The following BECN1 variants were observed in gnomAD, a reference collection of about 807,000 sequenced individuals.
The protein encoded by BECN1 is beclin 1, also known as beclin-1.
In BECN1, 15 loss-of-function variants were observed where a neutral mutation model predicts 60.1. The observed-to-expected ratio is 0.25, with a 90% CI of 0.17 to 0.38. The LOEUF (loss-of-function observed/expected upper bound fraction) is 0.38. Among genes scored for constraint, BECN1 ranks in the 10% least tolerant of loss-of-function variants. BECN1 has a pLI of 1.00. For missense variants in BECN1, 424 were observed against 548.2 expected (o/e 0.77, Z 2.26); for synonymous variants, 179 against 201.8 (o/e 0.89, Z 0.96).
intron 9 of BECN1, chr17:42,814,297 G>T: frequency 3.3e-6 from 2 of 608,736 alleles, no homozygotes; most frequent in Non-Finnish European, 5.6e-6. Flanking sequence ...AGGCTCTGGG[G>T]ACTGTAGGCT....
rs2055219195 is a variant in BECN1, at chr17:42,819,605, G to A, written c.203C>T (p.Pro68Leu). 6.2e-7 allele frequency: 1 copy of A among 1,613,322 alleles called. No homozygotes were observed. Among genetic ancestry groups the A allele is most frequent in the East Asian group, 2.2e-5 (1 of 44,892 alleles). ...QEEETNSGEE[P>L]FIETPRQDGV... ...ATCCTGGCGAGGAGTTTCAATAAAT[G>A]GCTCCTGGGAAAGAAATAAGAGGGC... The change falls in exon 4 of 12, where the codon CCA (proline) becomes CTA (leucine). Residue 68 changes from proline to leucine, a missense_variant. Transcript: ENST00000590099.
At chr17:42,814,779 T>C in intron 8 of BECN1, 106 bp from the exon 9 acceptor site, 1 of 1,395,024 alleles carries the variant, frequency 7.2e-7, no homozygotes, top group South Asian at 1.3e-5. Context: ...TTCAAGTCCA[T>C]ATATGCAAGC....
intron 10 of BECN1, 58 bp from the exon 11 acceptor site, chr17:42,811,855 T>G: frequency 6.3e-7 from 1 of 1,576,986 alleles, no homozygotes; most frequent in Non-Finnish European, 8.6e-7. Context: ...TTCCAGAGAT[T>G]GTTCCCAATC....
chr17:42,820,457 C>T (rs1362115711), intron 3 of BECN1: 4 of 282,038 alleles, frequency 1.4e-5, no homozygotes, highest in East Asian at 6.7e-5. Flanking sequence ...TGCTCTAGAA[C>T]GACCTGGACA....
intron 2 of BECN1, among the ~76,000 whole-genome samples, chr17:42,822,403 G>T (rs189694712): frequency 7.4e-4 from 113 of 152,282 alleles, no homozygotes; most frequent in Middle Eastern, 6.8e-3. Context: ...TTGGAGAAAT[G>T]AAGTAACTTG....
chr17:42,810,889 G>A lies in BECN1; in HGVS notation c.1224C>T (p.Gly408=). ...VEKGKIEDTG[G]SGGSYSIKTQ... Reference sequence around the variant, plus strand: ...TTTTGATGGAATAGGAGCCGCCACTGCCTCCTGTGTCTTCAATCTTGCCTT... The same window carrying A: ...TTTTGATGGAATAGGAGCCGCCACTACCTCCTGTGTCTTCAATCTTGCCTT... Residue 408 remains glycine, a synonymous_variant, in exon 12 of 12, where the codon GGC becomes GGT. Coordinates refer to ENST00000590099, the MANE Select transcript of BECN1 (RefSeq NM_001313998.2). The A allele has an allele frequency of 2.5e-6, 4 of 1,612,402 alleles. No homozygotes were observed. Among genetic ancestry groups the A allele is most frequent in the Non-Finnish European group, 3.4e-6 (4 of 1,179,282 alleles).
At chr17:42,820,433 C>T (rs1328868993) in intron 3 of BECN1, 4 of 235,462 alleles carry the variant, frequency 1.7e-5, no homozygotes, top group South Asian at 8.7e-5. Flanking sequence ...GCTAGAACAA[C>T]AGATGCAAAT....
chr17:42,818,835 C>A lies in BECN1; in HGVS notation c.303G>T (p.Gly101=), dbSNP rs750672204. The A allele has an allele frequency of 1.9e-6, 3 of 1,614,052 alleles. No individual in the cohort carries two copies. In the Admixed American group the frequency reaches 5.0e-5, roughly 27 times the overall value. The change falls in exon 5 of 12, where the codon GGG becomes GGT. Residue 101 remains glycine, a synonymous_variant. Transcript: ENST00000590099. ...TESANSFTLI[G]EASDGGTMEN... ...CCATGGTGCCGCCATCAGATGCCTC[C>A]CCAATCAGAGTGAAGCTGTTGGCAC...
intron 10 of BECN1, among the ~76,000 whole-genome samples, chr17:42,813,366 T>C (rs1319771735): frequency 1.3e-5 from 2 of 151,556 alleles, no homozygotes; most frequent in East Asian, 3.9e-4. Context: ...TAAAACCCCA[T>C]CTCTACTAAA....
At position 42,814,080 on chromosome 17, in the gene BECN1, A is replaced by G. The variant is rs544264296; in HGVS notation, c.981-72T>C. 1.1e-5 allele frequency: 12 copies of G among 1,079,606 alleles called. No homozygotes were observed. The East Asian group carries it at 1.5e-4, about 14-fold the overall frequency. The allele number at this position is 1,079,606 out of a possible 1,614,324, so 66.9% of individuals were successfully genotyped here. On this transcript the variant is annotated intron_variant, in intron 9 of 11. Transcript: ENST00000590099. Reference sequence around the variant, plus strand: ...GTGATTATTGGGAAGTTACAACCCAATGATTTCACTCTTCATTCTGGCCAA... The same window carrying G: ...GTGATTATTGGGAAGTTACAACCCAGTGATTTCACTCTTCATTCTGGCCAA...
chr17:42,814,832 A>G (rs543015036), intron 8 of BECN1, 159 bp from the exon 9 acceptor site: 4 of 913,234 alleles, frequency 4.4e-6, no homozygotes, highest in Non-Finnish European at 6.5e-6. Flanking sequence ...TTGAGTCATC[A>G]TCTTTTTCCC....
At chr17:42,817,731 A>C (rs537742063) in intron 7 of BECN1, among the ~76,000 whole-genome samples, 13 of 152,228 alleles carry the variant, frequency 8.5e-5, no homozygotes, top group South Asian at 8.3e-4. Flanking sequence ...TCATTTTTGT[A>C]GAGATGGGGT....
intron 4 of BECN1, 96 bp downstream of exon 4, chr17:42,819,452 G>T: frequency 1.5e-6 from 2 of 1,328,474 alleles, no homozygotes; most frequent in Non-Finnish European, 1.1e-6. Context: ...AGGTGATGAT[G>T]CATCTCTATC....
At chr17:42,812,586 G>T (rs888742974) in intron 10 of BECN1, 1 of 150,464 alleles carries the variant, frequency 6.6e-6, no homozygotes, top group Non-Finnish European at 1.5e-5. Flanking sequence ...TGTGGTGGGC[G>T]CCTGTAATCC....
intron 8 of BECN1, 27 bp downstream of exon 8, chr17:42,815,881 T>G (rs764238116): frequency 6.2e-7 from 1 of 1,614,092 alleles, no homozygotes; most frequent in South Asian, 1.1e-5. Flanking sequence ...ATATGTGCAG[T>G]GCTCCTCATC....
At position 42,810,599 on chromosome 17, in the gene BECN1, T is replaced by C. The variant is rs2054975417; in HGVS notation, c.*161A>G. 5 of 710,962 alleles carry C rather than the reference T, an allele frequency of 7.0e-6. No individual in the cohort carries two copies. Among genetic ancestry groups the C allele is most frequent in the Non-Finnish European group, 1.1e-5 (5 of 473,062 alleles). The allele number at this position is 710,962 out of a possible 1,614,324, so 44.0% of individuals were successfully genotyped here. A position where few individuals can be genotyped will look rare whatever the true frequency, so the allele number is the denominator to read the frequency against. On this transcript the variant is annotated 3_prime_UTR_variant, in exon 12 of 12. Coordinates refer to ENST00000590099, the MANE Select transcript of BECN1 (RefSeq NM_001313998.2). ...GCATGTTGTAGCTCTGGAAAGTATC[T>C]GTCACATGATATTTTAAAATAAAGT...
At position 42,820,754 on chromosome 17, in the gene BECN1, G is replaced by A; in HGVS notation, c.198+20C>T. 1.3e-6 allele frequency: 2 copies of A among 1,561,346 alleles called. No homozygotes were observed. The highest frequency in any genetic ancestry group is 8.7e-7 in the Non-Finnish European group (1 of 1,147,484). On this transcript the variant is annotated intron_variant, in intron 3 of 11. Transcript: ENST00000590099. ...ATGTTTACTACATGAGGAGGATAGGGGAGAGGGCACTTCTATTACCTCTCC... is the reference window on the plus strand; with the variant it reads ...ATGTTTACTACATGAGGAGGATAGGAGAGAGGGCACTTCTATTACCTCTCC...
At chr17:42,819,053 G>C in intron 4 of BECN1, 176 bp from the exon 5 acceptor site, 1 of 650,558 alleles carries the variant, frequency 1.5e-6, no homozygotes, top group South Asian at 2.0e-5. Flanking sequence ...AGGCCATGCT[G>C]GTCTTCCACA....
chr17:42,810,791 G>C lies in BECN1; in HGVS notation c.1322C>G (p.Ala441Gly), dbSNP rs1429368570. 1 of 1,613,174 alleles carries C rather than the reference G, an allele frequency of 6.2e-7. No individual in the cohort carries two copies. Among genetic ancestry groups the C allele is most frequent in the Admixed American group, 1.7e-5 (1 of 59,884 alleles). ...FMLTNLKWGL[A>G]WVSSQFYNK is the part of the protein sequence containing the mutation. ...GTTATAAAATTGTGAGGACACCCAA[G>C]CAAGACCCCACTTAAGATTCGTCAG... The change falls in exon 12 of 12, where the codon GCT (alanine) becomes GGT (glycine). Residue 441 changes from alanine to glycine, a missense_variant. By Grantham distance (60) the Ala-to-Gly change is moderately conservative. Coordinates refer to ENST00000590099, the MANE Select transcript of BECN1 (RefSeq NM_001313998.2).
Sources: gnomAD v4.1 joint callset for allele counts (sites outside exome capture counted in the v4.1 genomes callset) on GRCh38, gnomAD v4.1.1 for gene constraint, MANE v1.5 for transcripts, NCBI Gene and HGNC (gene_info 2026-07-23, HGNC 2026-07-21) for gene names.